The following ADAT1 variants were observed in gnomAD, a reference collection of about 807,000 sequenced individuals.
The protein encoded by ADAT1 is adenosine deaminase tRNA specific 1.
Under a neutral mutation model 58.6 loss-of-function variants are expected in ADAT1, and 58 were observed. The observed-to-expected ratio is 0.99, with a 90% CI of 0.80 to 1.23. The LOEUF is 1.23. ADAT1 is among the 50% of genes most tolerant of loss of function. The pLI is 0.00. For synonymous variants in ADAT1, 254 were observed against 220.8 expected (o/e 1.15, Z -1.33); for missense variants, 741 against 608.6 (o/e 1.22, Z -2.29).
Position 75,599,266 on chromosome 16 carries a change from G to C in ADAT1, c.*950C>G. On this transcript the variant is annotated 3_prime_UTR_variant, in exon 10 of 10. Transcript: ENST00000564657. ...CCGGCTAGTTTTTGCATTTTTAGTA[G>C]AGACAGGGTTTCACCAGGTTGGCCA... is the stretch of plus-strand genomic sequence containing the variant. 1.2e-6 allele frequency: 1 copy of C among 845,564 alleles called. No homozygotes were observed. The highest frequency in any genetic ancestry group is 1.4e-6 in the Non-Finnish European group (1 of 702,708). 52.4% of individuals were successfully genotyped at this position (845,564 alleles called of 1,614,324 possible).
chr16:75,606,944 T>C (rs917330074), intron 8 of ADAT1, among the ~76,000 whole-genome samples: 5 of 152,146 alleles, frequency 3.3e-5, no homozygotes, highest in Non-Finnish European at 7.3e-5. Flanking sequence ...CTACCAGTTA[T>C]AGGCAGCACA....
chr16:75,604,369 G>A (rs2081305510), intron 8 of ADAT1, among the ~76,000 whole-genome samples: 2 of 142,214 alleles, frequency 1.4e-5, no homozygotes, highest in African/African-American at 2.6e-5. Flanking sequence ...GGAGGCAGAG[G>A]TTGCAGTGAG....
In ADAT1 at chr16:75,623,039, T is replaced by C. The variant is rs957892272; in HGVS notation, c.-658A>G. 1.1e-4 allele frequency: 15 copies of C among 137,062 alleles called. No homozygotes were observed. The highest frequency in any genetic ancestry group is 2.1e-4 in the Non-Finnish European group (14 of 66,310). 8.5% of individuals were successfully genotyped at this position (137,062 alleles called of 1,614,324 possible). Reference sequence around the variant, plus strand: ...CGCCTGATCCATTGGGTCCTGCGGCTGCCAGGCCAGAGGCCCCGCGCCAGG... The same window carrying C: ...CGCCTGATCCATTGGGTCCTGCGGCCGCCAGGCCAGAGGCCCCGCGCCAGG... On this transcript the variant is annotated 5_prime_UTR_variant, in exon 1 of 10. Transcript: ENST00000564657.
chr16:75,603,113 C>T lies in ADAT1; in HGVS notation c.1348G>A (p.Ala450Thr). The T allele has an allele frequency of 6.2e-7, 1 of 1,614,128 alleles. No homozygotes were observed. The highest frequency in any genetic ancestry group is 1.1e-5 in the South Asian group (1 of 91,078). Residue 450 changes from alanine (A) to threonine (T), a missense_variant, in exon 9 of 10, where the codon GCA (alanine) becomes ACA (threonine). By Grantham distance (58) the Ala-to-Thr change is moderately conservative. Coordinates refer to ENST00000564657, the MANE Select transcript of ADAT1 (RefSeq NM_001324445.2). The part of the protein sequence containing the change: ...RSFQKLLSRI[A>T]RDKWPHSLRV... ...AGGGAGTGTGGCCACTTGTCCCTTG[C>T]AATTCTGCTTAGCAGCTTCTGGAAT...
intron 2 of ADAT1, 129 bp downstream of exon 2, chr16:75,620,502 G>T: frequency 7.1e-7 from 1 of 1,408,710 alleles, no homozygotes; most frequent in Non-Finnish European, 9.9e-7. Context: ...GCGTCACCTA[G>T]CAGAGGACAA....
chr16:75,603,805 T>C (rs1410087942), intron 8 of ADAT1, among the ~76,000 whole-genome samples: 1 of 152,180 alleles, frequency 6.6e-6, no homozygotes, highest in Non-Finnish European at 1.5e-5. Flanking sequence ...AATTGGGAAA[T>C]GCTGTGTATA....
chr16:75,614,757 T>C (rs2151770312), intron 5 of ADAT1, among the ~76,000 whole-genome samples: 1 of 152,318 alleles, frequency 6.6e-6, no homozygotes, highest in South Asian at 2.1e-4. Flanking sequence ...ACTCATAGGA[T>C]GTAAATACCA....
intron 3 of ADAT1, 143 bp downstream of exon 3, chr16:75,620,123 G>T (rs1225512115): frequency 1.3e-6 from 1 of 750,650 alleles, no homozygotes; most frequent in East Asian, 2.6e-5. Context: ...AAGTGAGTAC[G>T]GTCCTTCCAA....
At chr16:75,603,827 C>A (rs1197286873) in intron 8 of ADAT1, among the ~76,000 whole-genome samples, 1 of 152,148 alleles carries the variant, frequency 6.6e-6, no homozygotes, top group African/African-American at 2.4e-5. Flanking sequence ...CAACAATGTG[C>A]AGTCTCACTT....
At chr16:75,605,506 G>A (rs1270842468) in intron 8 of ADAT1, among the ~76,000 whole-genome samples, 4 of 152,018 alleles carry the variant, frequency 2.6e-5, no homozygotes, top group African/African-American at 9.7e-5. Flanking sequence ...CAAGGCTTCT[G>A]GTCAACAATA....
chr16:75,597,243 C>T lies in ADAT1; in HGVS notation c.*2973G>A. Reference sequence around the variant, plus strand: ...TTAGGGCAGGCCCTAAATCCAATTACTGGGGTCCTTATAAGTAGGCCATGG... The same window carrying T: ...TTAGGGCAGGCCCTAAATCCAATTATTGGGGTCCTTATAAGTAGGCCATGG... On this transcript the variant is annotated 3_prime_UTR_variant, in exon 10 of 10. Coordinates refer to ENST00000564657, the MANE Select transcript of ADAT1 (RefSeq NM_001324445.2). 3.0e-6 allele frequency: 1 copy of T among 331,756 alleles called. No individual in the cohort carries two copies. Among genetic ancestry groups the T allele is most frequent in the South Asian group, 2.4e-5 (1 of 41,180 alleles). The allele number at this position is 331,756 out of a possible 1,614,324, so 20.6% of individuals were successfully genotyped here.
Position 75,623,259 on chromosome 16 carries a change from G to A in ADAT1, c.-878C>T, listed in dbSNP as rs1240125093. On this transcript the variant is annotated 5_prime_UTR_variant, in exon 1 of 10. Coordinates refer to ENST00000564657, the MANE Select transcript of ADAT1 (RefSeq NM_001324445.2). ...CCACCTTCAGGAAACGCGCCTAGAA[G>A]AAAGCGAGCTTAATCCGCCGGTAAG... 6.6e-6 allele frequency: 1 copy of A among 152,068 alleles called. No individual in the cohort carries two copies. The highest frequency in any genetic ancestry group is 1.5e-5 in the Non-Finnish European group (1 of 68,074). 9.4% of individuals were successfully genotyped at this position (152,068 alleles called of 1,614,324 possible). A position where few individuals can be genotyped will look rare whatever the true frequency, so the allele number is the denominator to read the frequency against.
rs535261344 is a variant in ADAT1, at chr16:75,610,068, A to C, written c.1044-1080T>G. Among the ~76,000 whole-genome samples the C allele has an allele frequency of 3.3e-5, 5 of 152,288 alleles. No homozygotes were observed. In the South Asian group the frequency reaches 1.0e-3, roughly 32 times the overall value. On this transcript the variant is annotated intron_variant, in intron 6 of 9. Transcript: ENST00000564657. The stretch of plus-strand genomic sequence containing the variant: ...GCCTGTTCTAGATATTACACAAATA[A>C]AATTATACAATATGTGATTTCTTTC...
At chr16:75,620,155 A>G in intron 3 of ADAT1, 111 bp downstream of exon 3, 2 of 1,060,626 alleles carry the variant, frequency 1.9e-6, no homozygotes, top group Non-Finnish European at 2.9e-6. Context: ...GTCAGTAGGA[A>G]ACAAATGCCA....
chr16:75,606,237 T>C (rs1220364644), intron 8 of ADAT1, among the ~76,000 whole-genome samples: 1 of 152,100 alleles, frequency 6.6e-6, no homozygotes, highest in African/African-American at 2.4e-5. Context: ...AAAAGCTTAA[T>C]TGCAACAGTA....
Position 75,612,791 on chromosome 16 carries a change from C to A in ADAT1, c.495G>T (p.Trp165Cys). ...TGGCTTCTACTGATGAGTTGTGGGC[C>A]CAATTTCTGAAGACAGGACAGCAAG... ...DQPCCPVFRN[W>C]AHNSSVEASS... is the part of the protein sequence containing the mutation. Residue 165 changes from tryptophan (W) to cysteine (C), a missense_variant, in exon 6 of 10, where the codon TGG (tryptophan) becomes TGT (cysteine). Coordinates refer to ENST00000564657, the MANE Select transcript of ADAT1 (RefSeq NM_001324445.2). 8 of 1,613,958 alleles carry A rather than the reference C, an allele frequency of 5.0e-6. No individual in the cohort carries two copies. The highest frequency in any genetic ancestry group is 6.8e-6 in the Non-Finnish European group (8 of 1,180,026).
intron 3 of ADAT1, chr16:75,619,889 G>A (rs184970581): frequency 0.011 from 1,902 of 167,014 alleles, 55 homozygotes; most frequent in African/African-American, 0.057. Flanking sequence ...GCGAGACTCC[G>A]AGTCAAAAAA....
In ADAT1 at chr16:75,617,136, A is replaced by T. The variant is rs1181640052; in HGVS notation, c.424+6T>A. Reference sequence around the variant, plus strand: ...AACATTAATCCAAAGGCTTGAATATACTTACAGGGTGTATGGCTGGAGAAA... The same window carrying T: ...AACATTAATCCAAAGGCTTGAATATTCTTACAGGGTGTATGGCTGGAGAAA... On this transcript the variant is annotated splice_donor_region_variant and intron_variant, in intron 5 of 9. Coordinates refer to ENST00000564657, the MANE Select transcript of ADAT1 (RefSeq NM_001324445.2). 2 of 1,608,272 alleles carry T rather than the reference A, an allele frequency of 1.2e-6. No individual in the cohort carries two copies. The highest frequency in any genetic ancestry group is 1.7e-6 in the Non-Finnish European group (2 of 1,175,530).
chr16:75,605,822 A>G (rs1305794156), intron 8 of ADAT1, among the ~76,000 whole-genome samples: 1 of 151,510 alleles, frequency 6.6e-6, no homozygotes, highest in Non-Finnish European at 1.5e-5. Flanking sequence ...CTGTAATCCC[A>G]GCTACTCGGG....
Sources: gnomAD v4.1 joint callset for allele counts (sites outside exome capture counted in the v4.1 genomes callset) on GRCh38, gnomAD v4.1.1 for gene constraint, MANE v1.5 for transcripts, NCBI Gene and HGNC (gene_info 2026-07-23, HGNC 2026-07-21) for gene names.